Variants in CTIF observed in about 807,000 individuals in gnomAD.
CTIF encodes the protein CBP80/20-dependent translation initiation factor.
CTIF carries 21 observed loss-of-function variants against 66.0 expected under a neutral mutation model. That is an observed-to-expected ratio of 0.32 (90% confidence interval 0.23 to 0.46). CTIF has a LOEUF of 0.46. Ranked by LOEUF, CTIF falls within the 20% of genes least tolerant of loss-of-function variation. The pLI, the probability that CTIF is intolerant of heterozygous loss-of-function variation, is 1.00. For synonymous variants in CTIF, 345 were observed against 326.4 expected (o/e 1.06, Z -0.62); for missense variants, 739 against 812.7 (o/e 0.91, Z 1.10).
chr18:48,634,257 T>C (rs1463014870), intron 2 of CTIF, among the ~76,000 whole-genome samples: 2 of 152,160 alleles, frequency 1.3e-5, no homozygotes, highest in African/African-American at 2.4e-5. Context: ...GGGGAGTCCA[T>C]GATGCAGATA....
intron 9 of CTIF, among the ~76,000 whole-genome samples, chr18:48,763,388 G>A (rs773577327): frequency 1.3e-5 from 2 of 152,208 alleles, no homozygotes; most frequent in South Asian, 2.1e-4. Flanking sequence ...AGTGTCCAGC[G>A]GACCATCAAT....
chr18:48,735,785 G>T (rs2092496323), intron 7 of CTIF, among the ~76,000 whole-genome samples: 1 of 152,178 alleles, frequency 6.6e-6, no homozygotes, highest in African/African-American at 2.4e-5. Flanking sequence ...AAAGGTGCCT[G>T]GGTCTGGTGA....
At chr18:48,853,452 G>A (rs1219033562) in intron 10 of CTIF, among the ~76,000 whole-genome samples, 4 of 152,162 alleles carry the variant, frequency 2.6e-5, no homozygotes, top group Non-Finnish European at 4.4e-5. Context: ...GCGAGACCCC[G>A]AGGGTCCTCA....
intron 9 of CTIF, among the ~76,000 whole-genome samples, chr18:48,815,389 G>A (rs2068341071): frequency 6.6e-6 from 1 of 152,166 alleles, no homozygotes; most frequent in Admixed American, 6.5e-5. Context: ...ATAAAATGGG[G>A]CAGTAATAGG....
At chr18:48,609,063 G>A (rs1006442024) in intron 1 of CTIF, among the ~76,000 whole-genome samples, 1 of 152,222 alleles carries the variant, frequency 6.6e-6, no homozygotes, top group Non-Finnish European at 1.5e-5. Flanking sequence ...GCTTTTGACA[G>A]CTGGTGGTGG....
intron 7 of CTIF, among the ~76,000 whole-genome samples, chr18:48,744,481 G>A (rs1481837357): frequency 6.6e-6 from 1 of 152,138 alleles, no homozygotes; most frequent in African/African-American, 2.4e-5. Flanking sequence ...TGCAGGAATA[G>A]TACAAAGAAT....
chr18:48,670,834 T>G, intron 6 of CTIF, 90 bp downstream of exon 6: 1 of 1,120,510 alleles, frequency 8.9e-7, no homozygotes, highest in Non-Finnish European at 1.3e-6. Context: ...AAGCACTCCT[T>G]CTGGCTGCTT....
intron 3 of CTIF, among the ~76,000 whole-genome samples, chr18:48,653,708 C>T (rs558214130): frequency 7.9e-5 from 12 of 152,300 alleles, no homozygotes; most frequent in East Asian, 3.9e-4. Context: ...AGGCATCACG[C>T]GACCTGACTT....
intron 9 of CTIF, among the ~76,000 whole-genome samples, chr18:48,783,767 C>T (rs1003190911): frequency 3.9e-5 from 6 of 152,214 alleles, no homozygotes; most frequent in African/African-American, 1.4e-4. Context: ...AGGCTGCCAC[C>T]ATCCCGTAGG....
chr18:48,564,563 A>T (rs1784205798), intron 1 of CTIF, among the ~76,000 whole-genome samples: 1 of 152,106 alleles, frequency 6.6e-6, no homozygotes, highest in African/African-American at 2.4e-5. Flanking sequence ...ATTTTGGAAA[A>T]CAGAAGCTTA....
chr18:48,715,346 G>A (rs1318715584), intron 7 of CTIF, among the ~76,000 whole-genome samples: 1 of 152,164 alleles, frequency 6.6e-6, no homozygotes, highest in Non-Finnish European at 1.5e-5. Context: ...GTTTTTGGAA[G>A]CTAAGAAAAG....
At chr18:48,664,381 C>T in intron 4 of CTIF, 66 bp from the exon 5 acceptor site, 1 of 1,410,312 alleles carries the variant, frequency 7.1e-7, no homozygotes. Flanking sequence ...GCCTGGCCCC[C>T]TGGTTCCGTC....
At chr18:48,778,247 G>A (rs58256772) in intron 9 of CTIF, among the ~76,000 whole-genome samples, 25 of 152,118 alleles carry the variant, frequency 1.6e-4, no homozygotes, top group African/African-American at 5.3e-4. Flanking sequence ...AAATGGGGTC[G>A]ATTCTATTGT....
intron 7 of CTIF, among the ~76,000 whole-genome samples, chr18:48,737,216 C>T (rs1351207254): frequency 6.6e-6 from 1 of 152,174 alleles, no homozygotes; most frequent in African/African-American, 2.4e-5. Context: ...GGCCAATGGT[C>T]AACATCTTGT....
chr18:48,799,362 C>A (rs1011955327), intron 9 of CTIF, among the ~76,000 whole-genome samples: 1 of 152,098 alleles, frequency 6.6e-6, no homozygotes, highest in Non-Finnish European at 1.5e-5. Flanking sequence ...TGCCCAAGGT[C>A]AAAAAGCAGC....
chr18:48,729,343 C>T (rs2092416355), intron 7 of CTIF, among the ~76,000 whole-genome samples: 1 of 152,178 alleles, frequency 6.6e-6, no homozygotes, highest in Non-Finnish European at 1.5e-5. Context: ...TCTATAATCT[C>T]AATGATTATA....
intron 3 of CTIF, among the ~76,000 whole-genome samples, chr18:48,657,422 G>A (rs140799384): frequency 6.6e-6 from 1 of 152,186 alleles, no homozygotes; most frequent in African/African-American, 2.4e-5. Flanking sequence ...ACCATTTAGA[G>A]GAATGAGGCT....
chr18:48,843,364 A>C (rs780140639), intron 10 of CTIF, among the ~76,000 whole-genome samples: 1 of 152,056 alleles, frequency 6.6e-6, no homozygotes, highest in Non-Finnish European at 1.5e-5. Context: ...CCCAGTGACC[A>C]TAACTCCATC....
At chr18:48,853,181 C>T (rs1267695722) in intron 10 of CTIF, among the ~76,000 whole-genome samples, 1 of 152,312 alleles carries the variant, frequency 6.6e-6, no homozygotes, top group Non-Finnish European at 1.5e-5. Flanking sequence ...CGACATCGCC[C>T]TACCCTCATG....
Sources: gnomAD v4.1 joint callset for allele counts (sites outside exome capture counted in the v4.1 genomes callset) on GRCh38, gnomAD v4.1.1 for gene constraint, MANE v1.5 for transcripts, NCBI Gene and HGNC (gene_info 2026-07-23, HGNC 2026-07-21) for gene names.